Variants in MMADHC observed in about 807,000 individuals in gnomAD.
The protein encoded by MMADHC is cobalamin trafficking protein CblD.
MMADHC carries 23 observed loss-of-function variants against 36.3 expected under a neutral mutation model. That is an observed-to-expected ratio of 0.63 (90% confidence interval 0.46 to 0.90). MMADHC has a LOEUF of 0.90. Among genes scored for constraint, MMADHC ranks in the 40% least tolerant of loss-of-function variants. The probability of loss-of-function intolerance (pLI) is 0.00; values close to 1 mark genes in which losing one functional copy is unlikely to be tolerated. For synonymous variants in MMADHC, 97 were observed against 116.1 expected, an observed-to-expected ratio of 0.84 and a Z score of 1.06; for missense variants, 330 against 348.0, an observed-to-expected ratio of 0.95 and a Z score of 0.41.
chr2:149,573,738 T>C (rs1442314762), intron 6 of MMADHC, among the ~76,000 whole-genome samples: 1 of 152,170 alleles, frequency 6.6e-6, no homozygotes, highest in Non-Finnish European at 1.5e-5. Flanking sequence ...CTACTGAATA[T>C]GGCTTAGAAA....
rs548781013 is a variant in MMADHC, at chr2:149,584,722, T to A, written c.9+2367A>T. On this transcript the variant is annotated intron_variant, in intron 2 of 7. Transcript: ENST00000303319. Reference sequence around the variant, plus strand: ...AAGCGACAGTTGATGATAGTACTAATCTGTTTCAAACCTTACCCGTTAACC... The same window carrying A: ...AAGCGACAGTTGATGATAGTACTAAACTGTTTCAAACCTTACCCGTTAACC... Among the ~76,000 whole-genome samples the A allele has an allele frequency of 7.2e-5, 11 of 152,310 alleles. No homozygotes were observed. In the South Asian group the frequency reaches 2.3e-3, roughly 32 times the overall value.
chr2:149,582,079 A>T, intron 3 of MMADHC, 48 bp downstream of exon 3: 7 of 1,604,126 alleles, frequency 4.4e-6, no homozygotes, highest in Non-Finnish European at 6.0e-6. Flanking sequence ...ATACAACTAA[A>T]AATGTTTTGA....
intron 7 of MMADHC, among the ~76,000 whole-genome samples, 160 bp downstream of exon 7, chr2:149,570,925 C>A (rs752888083): frequency 6.6e-6 from 1 of 152,112 alleles, no homozygotes; most frequent in Non-Finnish European, 1.5e-5. Flanking sequence ...ATAGAGGTCT[C>A]TCAAAAGTTG....
In MMADHC at chr2:149,572,204, G is replaced by C. The variant is rs1358125719; in HGVS notation, c.610-1033C>G. 21 of 425,964 alleles carry C rather than the reference G, an allele frequency of 4.9e-5. No homozygotes were observed. In the Admixed American group the frequency reaches 5.7e-4, roughly 12 times the overall value. The allele number at this position is 425,964 out of a possible 1,614,324, so 26.4% of individuals were successfully genotyped here. On this transcript the variant is annotated intron_variant, in intron 6 of 7. Coordinates refer to ENST00000303319, the MANE Select transcript of MMADHC (RefSeq NM_015702.3). ...TTGAAATAAAGAAGAGATCATGAAT[G>C]TTTAAAAACAAGGGCACATAGCTAC...
Position 149,579,465 on chromosome 2 carries a change from T to A in MMADHC, c.338A>T (p.Glu113Val). 1 of 1,612,350 alleles carries A rather than the reference T, an allele frequency of 6.2e-7. No individual in the cohort carries two copies. Reference sequence around the variant, plus strand: ...ATTCACATATTGTGCCATCACAAACTCATGTCTTTCACTTGATAAAGGTTC... The same window carrying A: ...ATTCACATATTGTGCCATCACAAACACATGTCTTTCACTTGATAAAGGTTC... The part of the protein sequence containing the change: ...LAEPLSSERH[E>V]FVMAQYVNEF... The change falls in exon 4 of 8, where the codon GAG (glutamate) becomes GTG (valine). Residue 113 changes from glutamate (E) to valine (V), a missense_variant. Transcript: ENST00000303319.
intron 4 of MMADHC, among the ~76,000 whole-genome samples, chr2:149,578,986 CTT>C (rs1210920381): frequency 1.3e-4 from 18 of 138,468 alleles, no homozygotes; most frequent in East Asian, 4.1e-4. Flanking sequence ...AAACTGGTTC[CTT>C]TTTTTTTTTT....
intron 3 of MMADHC, among the ~76,000 whole-genome samples, chr2:149,580,950 G>A (rs570528565): frequency 3.9e-5 from 6 of 152,282 alleles, no homozygotes; most frequent in African/African-American, 1.4e-4. Flanking sequence ...TGCAGATCAT[G>A]TTGAATAACA....
intron 2 of MMADHC, chr2:149,586,775 C>T: frequency 2.8e-6 from 1 of 354,960 alleles, no homozygotes; most frequent in Non-Finnish European, 5.1e-6. Context: ...GTTTAGCTAA[C>T]CCAAAAGCTA....
At chr2:149,574,136 C>G (rs886742486) in intron 6 of MMADHC, among the ~76,000 whole-genome samples, 1 of 152,130 alleles carries the variant, frequency 6.6e-6, no homozygotes, top group Non-Finnish European at 1.5e-5. Context: ...AAACTTAGAA[C>G]TATACTGGAG....
In MMADHC at chr2:149,587,079, A is replaced by C; in HGVS notation, c.9+10T>G. ...TTACTATGCTGATTCTTAAGAGATA[A>C]TTTACTCACATTGGCCATCTCCGCT... On this transcript the variant is annotated intron_variant, in intron 2 of 7. Coordinates refer to ENST00000303319, the MANE Select transcript of MMADHC (RefSeq NM_015702.3). 6.2e-7 allele frequency: 1 copy of C among 1,613,604 alleles called. No individual in the cohort carries two copies. The highest frequency in any genetic ancestry group is 8.5e-7 in the Non-Finnish European group (1 of 1,179,520).
chr2:149,579,371 T>A (rs1682761614), intron 4 of MMADHC, 60 bp downstream of exon 4: 2 of 1,156,612 alleles, frequency 1.7e-6, no homozygotes, highest in African/African-American at 3.2e-5. Context: ...ATGCTTATAA[T>A]AATCAAGTCA....
chr2:149,575,000 C>A (rs1682693046), intron 6 of MMADHC, among the ~76,000 whole-genome samples: 1 of 152,088 alleles, frequency 6.6e-6, no homozygotes, highest in African/African-American at 2.4e-5. Context: ...CACTACAGTG[C>A]CCAGGTTGGT....
intron 6 of MMADHC, among the ~76,000 whole-genome samples, chr2:149,572,031 G>GT (rs959239811): frequency 2.0e-5 from 3 of 151,960 alleles, no homozygotes; most frequent in Non-Finnish European, 4.4e-5. Context: ...ACTCTTCTCT[G>GT]TTTTTTGTAT....
chr2:149,571,138 G>C lies in MMADHC; in HGVS notation c.643C>G (p.Leu215Val). 6.2e-7 allele frequency: 1 copy of C among 1,612,236 alleles called. No individual in the cohort carries two copies. The highest frequency in any genetic ancestry group is 8.5e-7 in the Non-Finnish European group (1 of 1,178,834). Residue 215 changes from leucine (L) to valine (V), a missense_variant, in exon 7 of 8, where the codon CTT becomes GTT. Physicochemically the swap from Leu to Val is conservative, Grantham distance 32. Transcript: ENST00000303319. The stretch of plus-strand genomic sequence containing the variant: ...TCAGCCCAATAACCCTCAGCTCGAA[G>C]AGCATAGCAAATTTCCTTAGCACCA... ...INGAKEICYALRAEGYWADFI... is the reference protein window; with the variant it reads ...INGAKEICYAVRAEGYWADFI...
At chr2:149,586,930 A>G in intron 2 of MMADHC, 159 bp downstream of exon 2, 2 of 719,514 alleles carry the variant, frequency 2.8e-6, no homozygotes, top group Non-Finnish European at 4.9e-6. Flanking sequence ...CCATCTTCAA[A>G]GCATAACATA....
chr2:149,574,891 C>G (rs1682691060), intron 6 of MMADHC, among the ~76,000 whole-genome samples: 1 of 152,178 alleles, frequency 6.6e-6, no homozygotes. Context: ...GCCTCGACCT[C>G]TCAGGCTCCA....
chr2:149,574,344 G>C (rs1019499727), intron 6 of MMADHC, among the ~76,000 whole-genome samples: 5 of 152,148 alleles, frequency 3.3e-5, no homozygotes, highest in African/African-American at 1.2e-4. Context: ...TAATATGCTT[G>C]TGATTGTTAA....
In MMADHC at chr2:149,569,732, C is replaced by G. The variant is rs564405596; in HGVS notation, c.*242G>C. 2 of 378,640 alleles carry G rather than the reference C, an allele frequency of 5.3e-6. No individual in the cohort carries two copies. Among genetic ancestry groups the G allele is most frequent in the South Asian group, 4.4e-5 (1 of 22,706 alleles). The allele number at this position is 378,640 out of a possible 1,614,324, so 23.5% of individuals were successfully genotyped here. ...AGAAATAACAATAGCAGATCATACC[C>G]TGGTTACAAGCTAATTACCACATCC... is the stretch of plus-strand genomic sequence containing the variant. On this transcript the variant is annotated 3_prime_UTR_variant, in exon 8 of 8. Coordinates refer to ENST00000303319, the MANE Select transcript of MMADHC (RefSeq NM_015702.3).
Position 149,571,163 on chromosome 2 carries a change from A to G in MMADHC, c.618T>C (p.Asn206=), listed in dbSNP as rs1201258353. The G allele has an allele frequency of 6.2e-7, 1 of 1,605,438 alleles. No homozygotes were observed. The highest frequency in any genetic ancestry group is 8.5e-7 in the Non-Finnish European group (1 of 1,174,474). ...EREVLLEKFI[N]GAKEICYALR... ...GAGCATAGCAAATTTCCTTAGCACC[A>G]TTGATGAACTGCAATGGAAGTCACA... The change falls in exon 7 of 8, where the codon AAT becomes AAC. Residue 206 remains asparagine, a synonymous_variant. Coordinates refer to ENST00000303319, the MANE Select transcript of MMADHC (RefSeq NM_015702.3).
Sources: gnomAD v4.1 joint callset for allele counts (sites outside exome capture counted in the v4.1 genomes callset) on GRCh38, gnomAD v4.1.1 for gene constraint, MANE v1.5 for transcripts, NCBI Gene and HGNC (gene_info 2026-07-23, HGNC 2026-07-21) for gene names.